LRRC37A2: variants seen among roughly 807,000 people sequenced by gnomAD.
LRRC37A2 encodes leucine-rich repeat-containing protein 37A2.
A neutral mutation model predicts 68.8 loss-of-function variants in LRRC37A2; 9 were observed. The ratio of observed to expected loss-of-function variants is 0.13; its 90% CI spans 0.08 to 0.23. The LOEUF is 0.23. Ranked by LOEUF, LRRC37A2 falls within the 10% of genes least tolerant of loss-of-function variation. LRRC37A2 has a pLI of 1.00. For missense variants in LRRC37A2, 168 were observed against 950.4 expected (o/e 0.18, Z 10.82); for synonymous variants, 63 against 367.6 (o/e 0.17, Z 9.48).
the LRRC37A2 span, among the ~76,000 whole-genome samples, chr17:46,420,824 G>C: frequency 4.9e-5 from 1 of 20,594 alleles, no homozygotes; most frequent in African/African-American, 1.8e-4. Flanking sequence ...TTTTGAGATG[G>C]TGTGTTACCC....
chr17:46,818,376 G>A, the LRRC37A2 span: 1 of 783,554 alleles, frequency 1.3e-6, no homozygotes, highest in East Asian at 2.7e-5. Context: ...AGAAAATCCA[G>A]GAGGGGTGGG....
chr17:46,890,375 A>G, the LRRC37A2 span, among the ~76,000 whole-genome samples: 4 of 152,128 alleles, frequency 2.6e-5, no homozygotes, highest in South Asian at 2.1e-4. Context: ...CTTCCTGCCA[A>G]TTCGATAAGA....
the LRRC37A2 span, chr17:46,936,160 C>T: frequency 1.0e-6 from 1 of 985,666 alleles, no homozygotes; most frequent in Non-Finnish European, 1.2e-6. Context: ...CTGCTGGGCG[C>T]TCCCCTTTCA....
the LRRC37A2 span, among the ~76,000 whole-genome samples, chr17:46,893,914 G>A: frequency 6.6e-6 from 1 of 152,280 alleles, no homozygotes; most frequent in East Asian, 1.9e-4. Flanking sequence ...GTGCCTTGGT[G>A]GACATTTTCA....
At chr17:46,833,566 C>A in the LRRC37A2 span, 1 of 393,970 alleles carries the variant, frequency 2.5e-6, no homozygotes, top group South Asian at 1.9e-5. Flanking sequence ...AACTCAAACC[C>A]CAGTCTCCTG....
the LRRC37A2 span, among the ~76,000 whole-genome samples, chr17:46,865,686 G>A: frequency 6.6e-6 from 1 of 152,112 alleles, no homozygotes; most frequent in African/African-American, 2.4e-5. Context: ...CGTGATCATG[G>A]CCCACTGCAG....
At chr17:46,982,902 AAGG>A in the LRRC37A2 span, among the ~76,000 whole-genome samples, 19 of 152,316 alleles carry the variant, frequency 1.2e-4, no homozygotes, top group South Asian at 1.4e-3. Context: ...ATAGCGGAAA[AAGG>A]AGAAGGCTTC....
the LRRC37A2 span, among the ~76,000 whole-genome samples, chr17:46,500,118 G>T: frequency 5.4e-5 from 8 of 149,456 alleles, no homozygotes; most frequent in Non-Finnish European, 1.0e-4. Flanking sequence ...GACTGTGCTG[G>T]AAGTTCATTG....
chr17:46,783,659 G>C, the LRRC37A2 span, among the ~76,000 whole-genome samples: 1 of 152,196 alleles, frequency 6.6e-6, no homozygotes, highest in African/African-American at 2.4e-5. Context: ...GCGATCTCTA[G>C]GAACGGGGGC....
chr17:46,859,206 C>T, the LRRC37A2 span, among the ~76,000 whole-genome samples: 1 of 151,580 alleles, frequency 6.6e-6, no homozygotes, highest in Non-Finnish European at 1.5e-5. Context: ...GAACTCCTGA[C>T]CTCAGGTGAT....
chr17:47,002,612 A>G, the LRRC37A2 span, among the ~76,000 whole-genome samples: 7 of 150,438 alleles, frequency 4.7e-5, no homozygotes, highest in Non-Finnish European at 1.0e-4. Flanking sequence ...CTGGTCTCAA[A>G]CTCCTGACCT....
the LRRC37A2 span, among the ~76,000 whole-genome samples, chr17:46,879,380 C>G: frequency 6.6e-6 from 1 of 152,222 alleles, no homozygotes; most frequent in Non-Finnish European, 1.5e-5. Flanking sequence ...TCCATCCAGA[C>G]CCTCCTTGTG....
chr17:46,919,744 C>T, the LRRC37A2 span, among the ~76,000 whole-genome samples: 3 of 152,094 alleles, frequency 2.0e-5, no homozygotes, highest in Admixed American at 2.0e-4. Flanking sequence ...GTCGGGAGTT[C>T]GAGACCAGCC....
the LRRC37A2 span, chr17:46,762,724 C>T: frequency 6.6e-6 from 1 of 151,968 alleles, no homozygotes; most frequent in Non-Finnish European, 1.5e-5. Flanking sequence ...ACTTTGGATA[C>T]AGCAGGTTGG....
the LRRC37A2 span, among the ~76,000 whole-genome samples, chr17:46,601,796 G>A: frequency 2.0e-5 from 3 of 150,708 alleles, no homozygotes; most frequent in Non-Finnish European, 4.4e-5. Flanking sequence ...TTCATAGGGC[G>A]TACTTTCATT....
At chr17:46,736,485 GC>G in the LRRC37A2 span, among the ~76,000 whole-genome samples, 1 of 152,162 alleles carries the variant, frequency 6.6e-6, no homozygotes. Flanking sequence ...AGAAGCCCTG[GC>G]CCTCCCTCTA....
At chr17:46,976,566 C>A in the LRRC37A2 span, among the ~76,000 whole-genome samples, 1 of 151,652 alleles carries the variant, frequency 6.6e-6, no homozygotes, top group African/African-American at 2.4e-5. Flanking sequence ...AACAAAAAAC[C>A]AAAAAAACAA....
At chr17:46,895,174 G>A in the LRRC37A2 span, among the ~76,000 whole-genome samples, 375 of 152,344 alleles carry the variant, frequency 2.5e-3, 2 homozygotes, top group Non-Finnish European at 3.7e-3. Flanking sequence ...CCCAGGCATC[G>A]CCCTGCTCCC....
the LRRC37A2 span, among the ~76,000 whole-genome samples, chr17:46,925,660 G>A: frequency 2.6e-5 from 4 of 152,286 alleles, no homozygotes; most frequent in South Asian, 2.1e-4. Flanking sequence ...ATGAACTTTC[G>A]CAACTGCAGA....
Sources: allele counts gnomAD v4.1 joint callset (sites outside exome capture counted in the v4.1 genomes callset), GRCh38; gene constraint gnomAD v4.1.1; transcripts MANE v1.5; gene names NCBI Gene and HGNC (gene_info 2026-07-23, HGNC 2026-07-21).